The following ZNF93 variants were observed in gnomAD, a reference collection of about 807,000 sequenced individuals.
ZNF93 encodes zinc finger protein 505.
A neutral mutation model predicts 45.0 loss-of-function variants in ZNF93; 29 were observed. That is an observed-to-expected ratio of 0.64 (90% confidence interval 0.48 to 0.88). ZNF93 has a LOEUF of 0.88. ZNF93 is among the 40% of genes least tolerant of loss of function. The probability of loss-of-function intolerance (pLI) is 0.00; values close to 1 mark genes in which losing one functional copy is unlikely to be tolerated. For synonymous variants in ZNF93, 223 were observed against 244.6 expected, an observed-to-expected ratio of 0.91 and a Z score of 0.82; for missense variants, 578 against 724.0, an observed-to-expected ratio of 0.80 and a Z score of 2.31.
Position 19,933,264 on chromosome 19 carries a change from T to TG in ZNF93, c.310dup (p.Glu104GlyfsTer15), listed in dbSNP as rs1386827931. 1.2e-6 allele frequency: 2 copies of TG among 1,611,610 alleles called. No individual in the cohort carries two copies. The highest frequency in any genetic ancestry group is 2.7e-5 in the African/African-American group (2 of 74,800). On this transcript the variant is annotated frameshift_variant, in exon 4 of 4. Coordinates refer to ENST00000343769, the MANE Select transcript of ZNF93 (RefSeq NM_031218.4). LOFTEE classifies it high-confidence loss of function. ...TCCAAAAAGTGATACTGAGAAGATA[T>TG]GAAAAACGTGGACATGGAAATTTAC...
intron 3 of ZNF93, among the ~76,000 whole-genome samples, chr19:19,917,412 CTTAG>C (rs980511532): frequency 5.5e-5 from 8 of 146,636 alleles, no homozygotes; most frequent in East Asian, 2.3e-4. Context: ...TTTTTTATCT[CTTAG>C]TTAATTTTTT....
intron 2 of ZNF93, among the ~76,000 whole-genome samples, chr19:19,916,312 G>T (rs561673868): frequency 6.6e-6 from 1 of 152,142 alleles, no homozygotes; most frequent in Admixed American, 6.6e-5. Context: ...TGATCCGCCC[G>T]CCTTGGCCTC....
At chr19:19,931,636 A>G (rs1383786127) in intron 3 of ZNF93, among the ~76,000 whole-genome samples, 1 of 152,188 alleles carries the variant, frequency 6.6e-6, no homozygotes, top group Non-Finnish European at 1.5e-5. Flanking sequence ...AATTCCTATG[A>G]TTACATTTCA....
rs572741931 is a variant in ZNF93, at chr19:19,923,873, G to A, written c.226+7218G>A. On this transcript the variant is annotated intron_variant, in intron 3 of 3. Transcript: ENST00000343769. The stretch of plus-strand genomic sequence containing the variant: ...TGATCCCTTGCACTTCCCAGGTGAG[G>A]TGATGCCTCGCCCTGCTTCGGCTCA... Among the ~76,000 whole-genome samples, 188 of 152,272 alleles carry A rather than the reference G, an allele frequency of 1.2e-3. 2 individuals carry two copies. Among genetic ancestry groups the A allele is most frequent in the Middle Eastern group, 3.4e-3 (1 of 294 alleles).
chr19:19,933,384 A>G lies in ZNF93; in HGVS notation c.429A>G (p.Lys143=). 1 of 1,603,944 alleles carries G rather than the reference A, an allele frequency of 6.2e-7. No homozygotes were observed. Among genetic ancestry groups the G allele is most frequent in the Non-Finnish European group, 8.5e-7 (1 of 1,176,408 alleles). Residue 143 remains lysine (K), a synonymous_variant, in exon 4 of 4, where the codon AAA becomes AAG. Transcript: ENST00000343769. The stretch of plus-strand genomic sequence containing the variant: ...AGTGTAGTACAACTACCCAGAGCAA[A>G]GTATTTCAATGTGATAAATATGGGA... ...LNQCSTTTQS[K]VFQCDKYGKV...
rs1942665606 is a variant in ZNF93 at position 19,933,762 on chromosome 19, C to T, written c.807C>T (p.Ser269=). 3 of 1,612,914 alleles carry T rather than the reference C, an allele frequency of 1.9e-6. No individual in the cohort carries two copies. Among genetic ancestry groups the T allele is most frequent in the Non-Finnish European group, 2.5e-6 (3 of 1,179,494 alleles). ...CEECGKAFNQ[S]STLTKHKKIH... is the part of the protein sequence containing the mutation. ...AATGTGGCAAAGCTTTTAACCAATC[C>T]TCGACACTTACTAAACATAAGAAAA... is the stretch of plus-strand genomic sequence containing the variant. Residue 269 remains serine (S), a synonymous_variant, in exon 4 of 4, where the codon TCC becomes TCT. Transcript: ENST00000343769.
intron 3 of ZNF93, among the ~76,000 whole-genome samples, chr19:19,920,122 C>T (rs1474258107): frequency 3.9e-5 from 6 of 152,052 alleles, no homozygotes; most frequent in Non-Finnish European, 8.8e-5. Flanking sequence ...TGAGATACAT[C>T]CCATCAATAC....
At chr19:19,923,442 A>G (rs1313781263) in intron 3 of ZNF93, among the ~76,000 whole-genome samples, 1 of 152,164 alleles carries the variant, frequency 6.6e-6, no homozygotes, top group East Asian at 1.9e-4. Context: ...CCATGCTGGG[A>G]GAACCACTAC....
At chr19:19,905,261 T>C (rs1005341598) in intron 1 of ZNF93, among the ~76,000 whole-genome samples, 1 of 152,172 alleles carries the variant, frequency 6.6e-6, no homozygotes, top group Non-Finnish European at 1.5e-5. Flanking sequence ...GGGTTTGTTA[T>C]ACAGCTGAAA....
Position 19,933,376 on chromosome 19 carries a change from C to A in ZNF93, c.421C>A (p.Gln141Lys). The stretch of plus-strand genomic sequence containing the variant: ...ACTTAACCAGTGTAGTACAACTACC[C>A]AGAGCAAAGTATTTCAATGTGATAA... Reference protein sequence around the residue: ...NGLNQCSTTTQSKVFQCDKYG... With the variant: ...NGLNQCSTTTKSKVFQCDKYG... The change falls in exon 4 of 4, where the codon CAG (glutamine) becomes AAG (lysine). Residue 141 changes from glutamine (Q) to lysine (K), a missense_variant. Transcript: ENST00000343769. The A allele has an allele frequency of 6.2e-7, 1 of 1,604,036 alleles. No individual in the cohort carries two copies. The highest frequency in any genetic ancestry group is 1.1e-5 in the South Asian group (1 of 89,204).
At position 19,901,006 on chromosome 19, in the gene ZNF93, A is replaced by G. The variant is rs2063268539; in HGVS notation, c.-83A>G. ...TCACTACTCTGTGTCCTGTGCTCCTACAGGCCCAGCCTCTGTGGCCCTGTG... is the reference window on the plus strand; with the variant it reads ...TCACTACTCTGTGTCCTGTGCTCCTGCAGGCCCAGCCTCTGTGGCCCTGTG... On this transcript the variant is annotated 5_prime_UTR_variant, in exon 1 of 4. Coordinates refer to ENST00000343769, the MANE Select transcript of ZNF93 (RefSeq NM_031218.4). The G allele has an allele frequency of 6.3e-7, 1 of 1,585,984 alleles. No individual in the cohort carries two copies. The highest frequency in any genetic ancestry group is 1.3e-5 in the African/African-American group (1 of 74,252).
At chr19:19,923,298 A>G (rs1442350821) in intron 3 of ZNF93, among the ~76,000 whole-genome samples, 1 of 152,088 alleles carries the variant, frequency 6.6e-6, no homozygotes, top group Non-Finnish European at 1.5e-5. Flanking sequence ...TTCCTCTGGA[A>G]GTTTCATCTC....
intron 1 of ZNF93, among the ~76,000 whole-genome samples, chr19:19,903,073 T>C (rs1227159911): frequency 6.6e-6 from 1 of 152,184 alleles, no homozygotes; most frequent in Non-Finnish European, 1.5e-5. Flanking sequence ...AAGTTGTTAT[T>C]GTTTTGAGGA....
intron 1 of ZNF93, chr19:19,909,656 T>A (rs914722577): frequency 2.0e-5 from 3 of 152,216 alleles, no homozygotes; most frequent in Admixed American, 6.5e-5. Flanking sequence ...AATAAGACCA[T>A]TTTCTTTCTG....
At chr19:19,915,138 G>C (rs1239364379) in intron 1 of ZNF93, 142 bp from the exon 2 acceptor site, 3 of 1,452,846 alleles carry the variant, frequency 2.1e-6, no homozygotes, top group African/African-American at 1.4e-5. Context: ...GAATATTTCT[G>C]TGTTGAAGAT....
chr19:19,930,624 A>G (rs2063370930), intron 3 of ZNF93, among the ~76,000 whole-genome samples: 1 of 152,188 alleles, frequency 6.6e-6, no homozygotes, highest in South Asian at 2.1e-4. Context: ...TTGTCTGGGC[A>G]TAACAGAAGG....
intron 3 of ZNF93, among the ~76,000 whole-genome samples, chr19:19,919,421 G>C (rs372137229): frequency 1.3e-5 from 2 of 152,076 alleles, no homozygotes; most frequent in African/African-American, 4.8e-5. Flanking sequence ...GCTTAGGATT[G>C]ACTTGGTAAT....
intron 3 of ZNF93, among the ~76,000 whole-genome samples, chr19:19,927,500 G>A (rs2063359802): frequency 6.6e-6 from 1 of 152,146 alleles, no homozygotes; most frequent in South Asian, 2.1e-4. Context: ...CATACCTTGA[G>A]AGACAAGCCT....
chr19:19,930,302 G>A (rs954983659), intron 3 of ZNF93, among the ~76,000 whole-genome samples: 3 of 152,192 alleles, frequency 2.0e-5, no homozygotes, highest in African/African-American at 7.2e-5. Flanking sequence ...CTAAAAGGCA[G>A]AGCCAGGTGT....
Sources: gnomAD v4.1 joint callset for allele counts (sites outside exome capture counted in the v4.1 genomes callset) on GRCh38, gnomAD v4.1.1 for gene constraint, MANE v1.5 for transcripts, NCBI Gene and HGNC (gene_info 2026-07-23, HGNC 2026-07-21) for gene names.